The following LY96 variants were observed in gnomAD, a reference collection of about 807,000 sequenced individuals.
The protein encoded by LY96 is myeloid differentiation protein-2.
A neutral mutation model predicts 18.9 loss-of-function variants in LY96; 18 were observed. The observed-to-expected ratio is 0.95, with a 90% CI of 0.66 to 1.41. The LOEUF (loss-of-function observed/expected upper bound fraction) is 1.41. Ranked by LOEUF, LY96 falls within the 40% of genes most tolerant of loss-of-function variation. The pLI, the probability that LY96 is intolerant of heterozygous loss-of-function variation, is 0.00. For missense variants in LY96, 175 were observed against 182.4 expected (o/e 0.96, Z 0.23); for synonymous variants, 66 against 62.6 (o/e 1.06, Z -0.26).
intron 3 of LY96, among the ~76,000 whole-genome samples, chr8:74,024,471 G>A (rs1216028173): frequency 1.3e-5 from 2 of 151,970 alleles, no homozygotes; most frequent in East Asian, 1.9e-4. Context: ...AATATTAAAT[G>A]TTATAAGTAA....
chr8:74,085,966 T>C, the LY96 span, among the ~76,000 whole-genome samples: 3 of 152,166 alleles, frequency 2.0e-5, no homozygotes, highest in Non-Finnish European at 4.4e-5. Flanking sequence ...AGAGTCACCC[T>C]GCGGTAAATT....
the LY96 span, among the ~76,000 whole-genome samples, chr8:74,072,276 G>GGTATATTATACCAAACTAAT: frequency 6.6e-6 from 1 of 152,210 alleles, no homozygotes; most frequent in East Asian, 1.9e-4. Context: ...CCAAACTAAT[G>GGTATATTATACCAAACTAAT]GGTATAAAAT....
At chr8:74,070,184 C>A in the LY96 span, among the ~76,000 whole-genome samples, 3 of 151,770 alleles carry the variant, frequency 2.0e-5, no homozygotes, top group African/African-American at 7.3e-5. Flanking sequence ...CTCCGCCTCC[C>A]AGGTTCAGGC....
the LY96 span, among the ~76,000 whole-genome samples, chr8:74,054,474 G>A: frequency 3.9e-4 from 60 of 152,034 alleles, no homozygotes; most frequent in African/African-American, 1.4e-3. Flanking sequence ...ACCTGGAACC[G>A]AGGTTCCTCA....
At chr8:74,075,497 C>T in the LY96 span, among the ~76,000 whole-genome samples, 31 of 152,306 alleles carry the variant, frequency 2.0e-4, no homozygotes, top group Admixed American at 1.4e-3. Flanking sequence ...TCTCAAACTC[C>T]TGGCTTCAAG....
the LY96 span, among the ~76,000 whole-genome samples, chr8:74,078,830 T>C: frequency 6.6e-6 from 1 of 152,176 alleles, no homozygotes; most frequent in African/African-American, 2.4e-5. Context: ...TAGAGAACAA[T>C]ACTATTCTGA....
intron 2 of LY96, among the ~76,000 whole-genome samples, chr8:74,005,498 C>A (rs1816392235): frequency 6.6e-6 from 1 of 152,120 alleles, no homozygotes; most frequent in Admixed American, 6.5e-5. Context: ...ACAGGTATAT[C>A]CTTCATCAAT....
At chr8:74,039,715 C>T in the LY96 span, among the ~76,000 whole-genome samples, 1 of 152,172 alleles carries the variant, frequency 6.6e-6, no homozygotes, top group African/African-American at 2.4e-5. Flanking sequence ...CTTCTATGCA[C>T]TTATAAGAAA....
chr8:74,026,868 G>C, intron 4 of LY96, 27 bp downstream of exon 4: 1 of 1,177,044 alleles, frequency 8.5e-7, no homozygotes, highest in Non-Finnish European at 1.3e-6. Context: ...ATTTTGTACT[G>C]TCTAACCTTT....
At chr8:74,094,020 CT>C in the LY96 span, among the ~76,000 whole-genome samples, 1 of 152,038 alleles carries the variant, frequency 6.6e-6, no homozygotes, top group Non-Finnish European at 1.5e-5. Flanking sequence ...TTTTATACTG[CT>C]AAAATTATAA....
chr8:74,037,366 T>A, the LY96 span, among the ~76,000 whole-genome samples: 1 of 152,180 alleles, frequency 6.6e-6, no homozygotes, highest in Non-Finnish European at 1.5e-5. Flanking sequence ...TGGTGGGTCA[T>A]GCCTGTAAAC....
the LY96 span, among the ~76,000 whole-genome samples, chr8:74,067,427 G>A: frequency 8.5e-5 from 13 of 152,180 alleles, no homozygotes; most frequent in South Asian, 6.2e-4. Flanking sequence ...GTCTCGCTAC[G>A]TTGCCCACAC....
At chr8:74,044,482 C>T in the LY96 span, among the ~76,000 whole-genome samples, 1 of 152,100 alleles carries the variant, frequency 6.6e-6, no homozygotes, top group Non-Finnish European at 1.5e-5. Context: ...AGCCACTGTA[C>T]CCATCCCAAT....
the LY96 span, among the ~76,000 whole-genome samples, chr8:74,096,131 A>T: frequency 9.2e-5 from 14 of 152,172 alleles, no homozygotes; most frequent in African/African-American, 3.1e-4. Context: ...ACTTCTTACT[A>T]TCTCCACTGC....
chr8:74,017,512 G>A (rs1816669451), intron 3 of LY96, among the ~76,000 whole-genome samples: 1 of 152,168 alleles, frequency 6.6e-6, no homozygotes, highest in Non-Finnish European at 1.5e-5. Flanking sequence ...CCCCAATCTA[G>A]CAAGGCAGGC....
chr8:74,066,152 T>G, the LY96 span, among the ~76,000 whole-genome samples: 1 of 152,028 alleles, frequency 6.6e-6, no homozygotes, highest in East Asian at 1.9e-4. Flanking sequence ...CAGATTCAGT[T>G]TCTGGTGAGG....
At chr8:74,062,079 T>C in the LY96 span, among the ~76,000 whole-genome samples, 1 of 152,166 alleles carries the variant, frequency 6.6e-6, no homozygotes, top group Non-Finnish European at 1.5e-5. Context: ...GGGTAACAAA[T>C]GGTATCTCAT....
intron 1 of LY96, among the ~76,000 whole-genome samples, chr8:73,996,382 T>A (rs1401857491): frequency 0.013 from 518 of 40,176 alleles, 10 homozygotes; most frequent in Middle Eastern, 0.026. Flanking sequence ...CCTTTCTTTC[T>A]TTCTTTCTTT....
Position 74,028,972 on chromosome 8 carries a change from T to G in LY96, c.401T>G (p.Val134Gly). The change falls in exon 5 of 5, where the codon GTT (valine) becomes GGT (glycine). Residue 134 changes from valine (V) to glycine (G), a missense_variant. Physicochemically the swap from Val to Gly is moderately radical, Grantham distance 109 (BLOSUM62 -3). Coordinates refer to ENST00000284818, the MANE Select transcript of LY96 (RefSeq NM_015364.5). ...IKFSKGKYKC[V>G]VEAISGSPEE... ...TCATTTTAGGGAAAATACAAATGTG[T>G]TGTTGAAGCTATTTCTGGGAGCCCA... 2.5e-6 allele frequency: 4 copies of G among 1,606,850 alleles called. No individual in the cohort carries two copies. Among genetic ancestry groups the G allele is most frequent in the Non-Finnish European group, 3.4e-6 (4 of 1,174,102 alleles).
Sources: allele counts gnomAD v4.1 joint callset (sites outside exome capture counted in the v4.1 genomes callset), GRCh38; gene constraint gnomAD v4.1.1; transcripts MANE v1.5; gene names NCBI Gene and HGNC (gene_info 2026-07-23, HGNC 2026-07-21).